The following LHFPL3 variants were observed in gnomAD, a reference collection of about 807,000 sequenced individuals.
The protein encoded by LHFPL3 is LHFPL tetraspan subfamily member 3 protein.
Under a neutral mutation model 19.3 loss-of-function variants are expected in LHFPL3, and 5 were observed. The observed-to-expected ratio is 0.26, with a 90% CI of 0.14 to 0.54. The LOEUF (loss-of-function observed/expected upper bound fraction) is 0.54. LHFPL3 is among the 20% of genes least tolerant of loss of function. The pLI is 0.94. For missense variants in LHFPL3, 249 were observed against 307.4 expected (o/e 0.81, Z 1.42); for synonymous variants, 133 against 126.2 (o/e 1.05, Z -0.36).
chr7:104,790,630 C>T (rs1790006673), intron 2 of LHFPL3, among the ~76,000 whole-genome samples: 1 of 152,162 alleles, frequency 6.6e-6, no homozygotes, highest in Non-Finnish European at 1.5e-5. Flanking sequence ...TAATTGCTAT[C>T]TGATTTATGT....
intron 1 of LHFPL3, among the ~76,000 whole-genome samples, chr7:104,386,899 A>AT (rs1265678007): frequency 2.0e-5 from 3 of 152,174 alleles, no homozygotes; most frequent in Non-Finnish European, 4.4e-5. Context: ...GAAGGATCTG[A>AT]TTTTTAAAGC....
At chr7:104,516,211 C>T (rs188778411) in intron 1 of LHFPL3, among the ~76,000 whole-genome samples, 195 of 152,098 alleles carry the variant, frequency 1.3e-3, no homozygotes, top group Middle Eastern at 3.4e-3. Flanking sequence ...AAGTACAGAG[C>T]GAAGCGGGGT....
intron 2 of LHFPL3, among the ~76,000 whole-genome samples, chr7:104,745,696 C>G (rs189450221): frequency 6.6e-6 from 1 of 152,274 alleles, no homozygotes; most frequent in East Asian, 1.9e-4. Context: ...AATTCAGGTA[C>G]CCAATCCAGA....
In LHFPL3 at chr7:104,727,176, G is replaced by T. The variant is rs182551862; in HGVS notation, c.446-9499G>T. On this transcript the variant is annotated intron_variant, in intron 1 of 2. Transcript: ENST00000424859. Reference sequence around the variant, plus strand: ...CCTTTGCCCACTTTTTAATTGGGTTGTGTTTTTTTCTTGTAAATTTGTTAA... The same window carrying T: ...CCTTTGCCCACTTTTTAATTGGGTTTTGTTTTTTTCTTGTAAATTTGTTAA... 2.6e-3 allele frequency among the ~76,000 whole-genome samples: 397 copies of T among 152,152 alleles called. 2 individuals carry two copies. Among genetic ancestry groups the T allele is most frequent in the African/African-American group, 9.3e-3 (388 of 41,508 alleles).
At chr7:104,331,294 G>A (rs1801562993) in intron 1 of LHFPL3, among the ~76,000 whole-genome samples, 1 of 152,200 alleles carries the variant, frequency 6.6e-6, no homozygotes, top group Admixed American at 6.5e-5. Context: ...TCCACGTCAT[G>A]TAAAATGTGG....
intron 1 of LHFPL3, among the ~76,000 whole-genome samples, chr7:104,690,759 A>G (rs774686491): frequency 2.6e-5 from 4 of 152,206 alleles, no homozygotes; most frequent in Non-Finnish European, 5.9e-5. Context: ...GAGGCAACAC[A>G]TTCCTCATCT....
intron 1 of LHFPL3, among the ~76,000 whole-genome samples, chr7:104,511,421 C>T (rs959456744): frequency 6.6e-6 from 1 of 152,162 alleles, no homozygotes; most frequent in Non-Finnish European, 1.5e-5. Flanking sequence ...TCCTAAAACA[C>T]TGAAACATGC....
chr7:104,341,239 C>T (rs536748489), intron 1 of LHFPL3, among the ~76,000 whole-genome samples: 1 of 152,276 alleles, frequency 6.6e-6, no homozygotes, highest in East Asian at 1.9e-4. Context: ...GATTTATGCT[C>T]AAATGAAGGT....
intron 2 of LHFPL3, among the ~76,000 whole-genome samples, chr7:104,801,535 G>GT (rs543288538): frequency 2.6e-5 from 4 of 152,158 alleles, no homozygotes; most frequent in African/African-American, 4.8e-5. Flanking sequence ...GTTTTTTGTT[G>GT]TTTTTTTGTT....
At chr7:104,543,032 C>A (rs1000724634) in intron 1 of LHFPL3, among the ~76,000 whole-genome samples, 1 of 152,058 alleles carries the variant, frequency 6.6e-6, no homozygotes, top group Non-Finnish European at 1.5e-5. Flanking sequence ...AACCATCATC[C>A]TCAGCAAACT....
chr7:104,862,543 A>G (rs1418910389), intron 2 of LHFPL3, among the ~76,000 whole-genome samples: 2 of 152,230 alleles, frequency 1.3e-5, no homozygotes, highest in Admixed American at 6.5e-5. Context: ...GACCTCAAGC[A>G]GCACATCCTC....
At chr7:104,509,266 G>A (rs1793763392) in intron 1 of LHFPL3, among the ~76,000 whole-genome samples, 1 of 145,474 alleles carries the variant, frequency 6.9e-6, no homozygotes. Context: ...AGGAAGAAAG[G>A]AAAAAAAAAA....
chr7:104,709,542 G>A (rs997407256), intron 1 of LHFPL3, among the ~76,000 whole-genome samples: 4 of 150,170 alleles, frequency 2.7e-5, no homozygotes, highest in East Asian at 2.0e-4. Flanking sequence ...AGAGCACGGG[G>A]TTGGGGGTAA....
intron 1 of LHFPL3, among the ~76,000 whole-genome samples, chr7:104,422,765 G>A (rs1389891579): frequency 2.0e-5 from 3 of 152,100 alleles, no homozygotes; most frequent in Non-Finnish European, 4.4e-5. Context: ...TTCACAGACT[G>A]GAAACTAGTA....
rs1259974828 is a variant in LHFPL3, at chr7:104,547,192, C to T, written c.446-189483C>T. Among the ~76,000 whole-genome samples, 2 of 23,212 alleles carry T rather than the reference C, an allele frequency of 8.6e-5. 1 individual carries two copies. Among genetic ancestry groups the T allele is most frequent in the Admixed American group, 1.1e-3 (2 of 1,786 alleles). 15.2% of individuals were successfully genotyped at this position (23,212 alleles called of 152,430 possible). On this transcript the variant is annotated intron_variant, in intron 1 of 2. Coordinates refer to ENST00000424859, the MANE Select transcript of LHFPL3 (RefSeq NM_199000.3). The stretch of plus-strand genomic sequence containing the variant: ...CGGAGCTTGCAGTGAGCCGAGATTG[C>T]GCCACTGCAGTCCGCAGTCCGGCCT...
intron 2 of LHFPL3, among the ~76,000 whole-genome samples, chr7:104,867,847 G>C (rs1421265961): frequency 6.6e-6 from 1 of 152,118 alleles, no homozygotes; most frequent in Non-Finnish European, 1.5e-5. Flanking sequence ...CTGGCAAACT[G>C]AATCCAGCAG....
intron 2 of LHFPL3, among the ~76,000 whole-genome samples, chr7:104,878,507 G>T (rs1584593677): frequency 6.6e-6 from 1 of 152,116 alleles, no homozygotes; most frequent in East Asian, 1.9e-4. Flanking sequence ...AGATGGCAAA[G>T]TTAATAACTG....
chr7:104,520,415 T>G (rs1349847350), intron 1 of LHFPL3, among the ~76,000 whole-genome samples: 35 of 146,770 alleles, frequency 2.4e-4, no homozygotes, highest in African/African-American at 8.0e-4. Context: ...TCTCTTTTTT[T>G]GTTGTGTCTC....
At chr7:104,877,840 T>A (rs1791978160) in intron 2 of LHFPL3, among the ~76,000 whole-genome samples, 1 of 63,792 alleles carries the variant, frequency 1.6e-5, no homozygotes, top group South Asian at 5.3e-4. Context: ...ATAGCAGCAT[T>A]TTTTTTTTTT....
Sources: allele counts gnomAD v4.1 joint callset (sites outside exome capture counted in the v4.1 genomes callset), GRCh38; gene constraint gnomAD v4.1.1; transcripts MANE v1.5; gene names NCBI Gene and HGNC (gene_info 2026-07-23, HGNC 2026-07-21).